The following WDR35 variants were observed in gnomAD, a reference collection of about 807,000 sequenced individuals.
The protein encoded by WDR35 is WD repeat domain 35.
A neutral mutation model predicts 158.3 loss-of-function variants in WDR35; 118 were observed. The observed-to-expected ratio is 0.75, with a 90% confidence interval of 0.64 to 0.87. WDR35 has a LOEUF of 0.87. Among genes scored for constraint, WDR35 ranks in the 40% least tolerant of loss-of-function variants. The pLI is 0.00. For synonymous variants in WDR35, 448 were observed against 476.1 expected, an observed-to-expected ratio of 0.94 and a Z score of 0.77; for missense variants, 1,263 against 1,405.8, an observed-to-expected ratio of 0.90 and a Z score of 1.62.
chr2:19,968,064 TC>T (rs1671913330), intron 9 of WDR35, among the ~76,000 whole-genome samples: 1 of 152,200 alleles, frequency 6.6e-6, no homozygotes, highest in Admixed American at 6.5e-5. Context: ...GGAGTACTGG[TC>T]AAGTATTTTG....
intron 8 of WDR35, among the ~76,000 whole-genome samples, chr2:19,972,317 A>G (rs1222847659): frequency 2.6e-5 from 4 of 152,320 alleles, no homozygotes; most frequent in Admixed American, 2.6e-4. Context: ...CCCCACTTAC[A>G]GTTTTCCGTT....
At chr2:19,949,420 G>A (rs1329121969) in intron 13 of WDR35, among the ~76,000 whole-genome samples, 1 of 152,182 alleles carries the variant, frequency 6.6e-6, no homozygotes, top group Non-Finnish European at 1.5e-5. Flanking sequence ...GTGGCCAGAA[G>A]TATAATAAAT....
intron 3 of WDR35, among the ~76,000 whole-genome samples, chr2:19,981,343 A>G (rs1338301452): frequency 1.3e-5 from 2 of 152,208 alleles, no homozygotes; most frequent in African/African-American, 2.4e-5. Context: ...ATTCTCTTCC[A>G]TAATCATATT....
chr2:19,961,302 A>G (rs1212239586), intron 10 of WDR35, among the ~76,000 whole-genome samples: 1 of 152,226 alleles, frequency 6.6e-6, no homozygotes, highest in Non-Finnish European at 1.5e-5. Flanking sequence ...TCAATTTGCA[A>G]GGAAAAAATG....
At position 19,911,403 on chromosome 2, in the gene WDR35, T is replaced by C. The variant is rs1669830306; in HGVS notation, c.*2155A>G. 1 of 152,216 alleles carries C rather than the reference T, an allele frequency of 6.6e-6. No homozygotes were observed. 9.4% of individuals were successfully genotyped at this position (152,216 alleles called of 1,614,324 possible). On this transcript the variant is annotated 3_prime_UTR_variant, in exon 27 of 27. Coordinates refer to ENST00000281405, the MANE Select transcript of WDR35 (RefSeq NM_020779.4). The stretch of plus-strand genomic sequence containing the variant: ...CTTTCAGACAGGCAGAACTAATAAG[T>C]GTGCCATCCCTACAACCCTGAACAT...
intron 25 of WDR35, among the ~76,000 whole-genome samples, chr2:19,925,905 T>C (rs1233764046): frequency 1.3e-5 from 2 of 152,240 alleles, no homozygotes; most frequent in Non-Finnish European, 2.9e-5. Flanking sequence ...ATGGTGCTCA[T>C]TGTTAAGCCT....
chr2:19,970,952 T>C (rs977552995), intron 8 of WDR35, among the ~76,000 whole-genome samples: 1 of 152,210 alleles, frequency 6.6e-6, no homozygotes, highest in Non-Finnish European at 1.5e-5. Context: ...CATATTCACA[T>C]TTCTTTCCCT....
chr2:19,936,288 TCACCAGATC>T lies in WDR35; in HGVS notation c.2336_2344del (p.Gly779_Gly781del). The T allele has an allele frequency of 1.2e-6, 2 of 1,614,044 alleles. No individual in the cohort carries two copies. Among genetic ancestry groups the T allele is most frequent in the African/African-American group, 2.7e-5 (2 of 75,040 alleles). Reference sequence around the variant, plus strand: ...TTGTTCCAGGAGACTGTCATCTGCATCACCAGATCCAGTTTTCAGGAGCTGGAGTACTCT... The same window carrying T: ...TTGTTCCAGGAGACTGTCATCTGCATCAGTTTTCAGGAGCTGGAGTACTCT... On this transcript the variant is annotated inframe_deletion, in exon 20 of 27. Transcript: ENST00000281405.
Position 19,973,675 on chromosome 2 carries a change from A to G in WDR35, c.770T>C (p.Val257Ala), listed in dbSNP as rs142955097. The change falls in exon 8 of 27, where the codon GTA becomes GCA. Residue 257 changes from valine (V) to alanine (A), a missense_variant. Transcript: ENST00000281405. ...GCCCATGTGGTTCCACTGGATGCCTACTACGTACATGCCAGTGTCAATCAA... is the reference window on the plus strand; with the variant it reads ...GCCCATGTGGTTCCACTGGATGCCTGCTACGTACATGCCAGTGTCAATCAA... ...PVLIDTGMYV[V>A]GIQWNHMGSV... 1.2e-3 allele frequency: 1,875 copies of G among 1,614,198 alleles called. 27 individuals are homozygous for G. The Middle Eastern group carries it at 0.038, about 32-fold the overall frequency.
rs776211441 is a variant in WDR35, at chr2:19,933,416, G to C, written c.2643C>G (p.Cys881Trp). 1 of 1,613,374 alleles carries C rather than the reference G, an allele frequency of 6.2e-7. No individual in the cohort carries two copies. Among genetic ancestry groups the C allele is most frequent in the Admixed American group, 1.7e-5 (1 of 60,002 alleles). Residue 881 changes from cysteine to tryptophan, a missense_variant, in exon 22 of 27, where the codon TGC (cysteine) becomes TGG (tryptophan). Transcript: ENST00000281405. ...CAGTTCCTACTTGGTTGAGATGTAC[G>C]CAGGTATCTACTGCTGCCTTTGGTT... ...CSQPKAAVDT[C>W]VHLNQWNKAV...
At chr2:19,983,980 C>A (rs1672468286) in intron 2 of WDR35, among the ~76,000 whole-genome samples, 1 of 146,726 alleles carries the variant, frequency 6.8e-6, no homozygotes, top group Admixed American at 6.8e-5. Context: ...TAACTTCTAG[C>A]ACTGAAAAAT....
intron 16 of WDR35, among the ~76,000 whole-genome samples, 182 bp downstream of exon 16, chr2:19,945,604 T>C (rs1363862038): frequency 6.6e-6 from 1 of 152,150 alleles, no homozygotes; most frequent in Non-Finnish European, 1.5e-5. Flanking sequence ...ATAAGTATTT[T>C]CTCACCTAAG....
In WDR35 at chr2:19,931,390, T is replaced by C; in HGVS notation, c.2843A>G (p.Lys948Arg). 6.2e-7 allele frequency: 1 copy of C among 1,613,406 alleles called. No homozygotes were observed. The change falls in exon 24 of 27, where the codon AAG (lysine) becomes AGG (arginine). Residue 948 changes from lysine to arginine, a missense_variant. Coordinates refer to ENST00000281405, the MANE Select transcript of WDR35 (RefSeq NM_020779.4). ...LMFKIADEEA[K>R]KGSKPLRVKK... is the part of the protein sequence containing the mutation. ...GACACGTAAAGGTTTACTTCCTTTC[T>C]TTGCCTCTTCATCTGCAATCTTAAA... is the stretch of plus-strand genomic sequence containing the variant.
rs555796125 is a variant in WDR35 at position 19,982,439 on chromosome 2, C to T, written c.214+24G>A. On this transcript the variant is annotated intron_variant, in intron 3 of 26. Transcript: ENST00000281405. The stretch of plus-strand genomic sequence containing the variant: ...ATGCCTAAATACCACTCAAACATGA[C>T]TTAAAAGAAATTGAATGACTCACCA... The T allele has an allele frequency of 4.3e-6, 7 of 1,610,680 alleles. No homozygotes were observed. The South Asian group carries it at 7.7e-5, about 18-fold the overall frequency.
intron 3 of WDR35, among the ~76,000 whole-genome samples, 196 bp from the exon 4 acceptor site, chr2:19,980,979 T>G (rs1260986332): frequency 6.6e-6 from 1 of 152,196 alleles, no homozygotes; most frequent in East Asian, 1.9e-4. Context: ...CATAATACTA[T>G]TTTTCATATC....
chr2:19,990,050 A>T lies in WDR35; in HGVS notation c.-35T>A. 6.2e-7 allele frequency: 1 copy of T among 1,612,742 alleles called. No homozygotes were observed. Among genetic ancestry groups the T allele is most frequent in the Non-Finnish European group, 8.5e-7 (1 of 1,179,428 alleles). ...CCCGAGAGGGTCACGGCGGCCGCTA[A>T]GGCCCTCGACAAGTAACGGTTCTAC... On this transcript the variant is annotated 5_prime_UTR_variant, in exon 1 of 27. Coordinates refer to ENST00000281405, the MANE Select transcript of WDR35 (RefSeq NM_020779.4).
At chr2:19,984,912 A>G (rs1267374251) in intron 2 of WDR35, among the ~76,000 whole-genome samples, 1 of 152,262 alleles carries the variant, frequency 6.6e-6, no homozygotes, top group African/African-American at 2.4e-5. Context: ...ATTCTGAGAA[A>G]GAGATGGTAC....
chr2:19,974,052 C>T (rs1001470661), intron 7 of WDR35, among the ~76,000 whole-genome samples: 1 of 151,898 alleles, frequency 6.6e-6, no homozygotes, highest in South Asian at 2.1e-4. Context: ...GAGCCAAGAA[C>T]GCACCACTGC....
At chr2:19,937,579 A>G (rs902234176) in intron 19 of WDR35, among the ~76,000 whole-genome samples, 164 bp downstream of exon 19, 1 of 152,188 alleles carries the variant, frequency 6.6e-6, no homozygotes, top group African/African-American at 2.4e-5. Context: ...ATGAAACACA[A>G]ATGAATGAGA....
Sources: allele counts gnomAD v4.1 joint callset (sites outside exome capture counted in the v4.1 genomes callset), GRCh38; gene constraint gnomAD v4.1.1; transcripts MANE v1.5; gene names NCBI Gene and HGNC (gene_info 2026-07-23, HGNC 2026-07-21).